Variants in LAMB4 observed in about 807,000 individuals in gnomAD.
LAMB4 encodes the protein laminin subunit beta-4.
Under a neutral mutation model 199.2 loss-of-function variants are expected in LAMB4, and 196 were observed. That is an observed-to-expected ratio of 0.98 (90% CI 0.88 to 1.11). The LOEUF is 1.11. Among genes scored for constraint, LAMB4 ranks in the 50% least tolerant of loss-of-function variants. The pLI, the probability that LAMB4 is intolerant of heterozygous loss-of-function variation, is 0.00. For missense variants in LAMB4, 2,080 were observed against 2,171.2 expected (o/e 0.96, Z 0.83); for synonymous variants, 744 against 770.6 (o/e 0.97, Z 0.57).
Position 108,030,623 on chromosome 7 carries a change from G to A in LAMB4, c.4992+183C>T, listed in dbSNP as rs1299467524. On this transcript the variant is annotated intron_variant, in intron 32 of 33. Transcript: ENST00000388781. ...AACACTCCAACATGATTTGGCCAGG[G>A]ACTTCTGCCTTCTACAGATAGAAAA... 5.3e-5 allele frequency among the ~76,000 whole-genome samples: 8 copies of A among 152,282 alleles called. 1 individual carries two copies. Among genetic ancestry groups the A allele is most frequent in the Admixed American group, 4.6e-4 (7 of 15,292 alleles).
intron 28 of LAMB4, among the ~76,000 whole-genome samples, chr7:108,046,981 G>A (rs2035649293): frequency 6.6e-6 from 1 of 151,648 alleles, no homozygotes; most frequent in African/African-American, 2.4e-5. Context: ...TTCCCAGGCA[G>A]GTCTTGAACC....
chr7:108,092,398 C>T lies in LAMB4; in HGVS notation c.1489G>A (p.Gly497Arg). The change falls in exon 13 of 34, where the codon GGA becomes AGA. Residue 497 changes from glycine (G) to arginine (R), a missense_variant. Physicochemically the swap from Gly to Arg is moderately radical, Grantham distance 125. Transcript: ENST00000388781. ...EECTVGYWGL[G>R]NHLHGCSPCD... ...GGAGAACACCCATGGAGATGATTTCCCAGGCCCCAGTATCCAACCTACAGA... is the reference window on the plus strand; with the variant it reads ...GGAGAACACCCATGGAGATGATTTCTCAGGCCCCAGTATCCAACCTACAGA... 6.2e-7 allele frequency: 1 copy of T among 1,613,972 alleles called. No homozygotes were observed. The highest frequency in any genetic ancestry group is 1.3e-5 in the African/African-American group (1 of 75,016).
chr7:108,084,916 T>A (rs928444240), intron 14 of LAMB4, among the ~76,000 whole-genome samples: 2 of 151,778 alleles, frequency 1.3e-5, no homozygotes, highest in Non-Finnish European at 2.9e-5. Context: ...GCCAATTTTT[T>A]ATTTTTTTTG....
At chr7:108,065,220 T>C (rs1247579732) in intron 21 of LAMB4, among the ~76,000 whole-genome samples, 1 of 152,186 alleles carries the variant, frequency 6.6e-6, no homozygotes, top group Admixed American at 6.5e-5. Flanking sequence ...CTAGCCCTCT[T>C]AAAGTCTTTA....
chr7:108,056,618 A>C (rs1030401149), intron 24 of LAMB4, among the ~76,000 whole-genome samples: 3 of 152,198 alleles, frequency 2.0e-5, no homozygotes, highest in Non-Finnish European at 4.4e-5. Context: ...AATTTCCAAA[A>C]GGTTAGGGAA....
At chr7:108,077,394 T>A (rs1454570869) in intron 16 of LAMB4, among the ~76,000 whole-genome samples, 1 of 151,730 alleles carries the variant, frequency 6.6e-6, no homozygotes, top group East Asian at 1.9e-4. Context: ...TCAAAAAATC[T>A]CAAAAAAAAA....
At position 108,076,971 on chromosome 7, in the gene LAMB4, G is replaced by A. The variant is rs144579218; in HGVS notation, c.2097C>T (p.His699=). The part of the protein sequence containing the change: ...YFSQPLQGES[H]AHSHVLVDSL... ...AGTCCACCAGGACATGTGAATGAGC[G>A]TGGGACTCTCCTTGCAAAGGCTGAG... The change falls in exon 17 of 34, where the codon CAC becomes CAT. Residue 699 remains histidine (H), a synonymous_variant. Transcript: ENST00000388781. 1.6e-5 allele frequency: 26 copies of A among 1,613,906 alleles called. No homozygotes were observed. The highest frequency in any genetic ancestry group is 1.3e-4 in the East Asian group (6 of 44,900).
In LAMB4 at chr7:108,123,124, T is replaced by C. The variant is rs1445143448; in HGVS notation, c.34+7A>G. 6.2e-7 allele frequency: 1 copy of C among 1,606,216 alleles called. No homozygotes were observed. The highest frequency in any genetic ancestry group is 8.5e-7 in the Non-Finnish European group (1 of 1,177,650). ...GCAGTAAATAGATTTTGACAACAAA[T>C]ACTCACCAAGGTGCAAAAAAAGGGT... is the stretch of plus-strand genomic sequence containing the variant. On this transcript the variant is annotated splice_region_variant and intron_variant, in intron 2 of 33. Transcript: ENST00000388781.
At chr7:108,025,825 GGAAAGT>G (rs1207817727) in intron 33 of LAMB4, among the ~76,000 whole-genome samples, 2 of 152,148 alleles carry the variant, frequency 1.3e-5, no homozygotes, top group Admixed American at 1.3e-4. Flanking sequence ...GTTTGTACCC[GGAAAGT>G]TAATATGATT....
chr7:108,028,328 G>C (rs146421356), intron 33 of LAMB4, among the ~76,000 whole-genome samples: 1 of 152,104 alleles, frequency 6.6e-6, no homozygotes, highest in African/African-American at 2.4e-5. Flanking sequence ...TGTTTGCTTA[G>C]GCAGTTGCCT....
intron 18 of LAMB4, among the ~76,000 whole-genome samples, chr7:108,068,996 G>T (rs1563063794): frequency 1.3e-5 from 2 of 152,138 alleles, no homozygotes; most frequent in Non-Finnish European, 2.9e-5. Context: ...CCCCTTACTA[G>T]TTTTTTATTT....
Position 108,106,515 on chromosome 7 carries a change from T to A in LAMB4, c.649A>T (p.Ile217Phe). The change falls in exon 7 of 34, where the codon ATC becomes TTC. Residue 217 changes from isoleucine to phenylalanine, a missense_variant. Physicochemically the swap from Ile to Phe is conservative, Grantham distance 21 (BLOSUM62 0). Transcript: ENST00000388781. ...AATATAAAGGAATTCATACCTTGGA[T>A]GTAGGGGCTATAAGGGTTTTCAATT... is the stretch of plus-strand genomic sequence containing the variant. ...FEIENPYSPY[I>F]QDLVTLTNLR... 1 of 1,570,034 alleles carries A rather than the reference T, an allele frequency of 6.4e-7. No homozygotes were observed. The highest frequency in any genetic ancestry group is 8.7e-7 in the Non-Finnish European group (1 of 1,146,054).
chr7:108,106,636 C>CTTT (rs5886439), intron 6 of LAMB4, 64 bp from the exon 7 acceptor site: 84 of 776,198 alleles, frequency 1.1e-4, no homozygotes, highest in South Asian at 1.5e-4. Context: ...CAAACACACT[C>CTTT]TTTTTTTTTT....
chr7:108,105,216 T>G (rs571029445), intron 8 of LAMB4, among the ~76,000 whole-genome samples: 6 of 152,198 alleles, frequency 3.9e-5, no homozygotes, highest in Non-Finnish European at 8.8e-5. Flanking sequence ...AAACTACAAC[T>G]CTTCTACAAT....
At chr7:108,111,520 T>A (rs1218779110) in intron 4 of LAMB4, among the ~76,000 whole-genome samples, 2 of 152,204 alleles carry the variant, frequency 1.3e-5, no homozygotes, top group African/African-American at 4.8e-5. Flanking sequence ...TTCTTCTTAT[T>A]ATTATTTTTT....
chr7:108,017,988 C>T, the LAMB4 span, among the ~76,000 whole-genome samples: 3 of 152,306 alleles, frequency 2.0e-5, no homozygotes, highest in South Asian at 6.2e-4. Context: ...CCATGCTCTT[C>T]GCATTTATCA....
chr7:108,056,254 G>A (rs1281151433), intron 24 of LAMB4, among the ~76,000 whole-genome samples: 2 of 152,176 alleles, frequency 1.3e-5, no homozygotes, highest in South Asian at 2.1e-4. Context: ...TTTATTGTGT[G>A]AGTGCAAGCA....
intron 4 of LAMB4, 107 bp from the exon 5 acceptor site, chr7:108,109,351 C>T (rs959065719): frequency 1.2e-6 from 1 of 802,840 alleles, no homozygotes; most frequent in Non-Finnish European, 2.1e-6. Flanking sequence ...TTTGATGCCA[C>T]AAGGCTGACG....
intron 23 of LAMB4, among the ~76,000 whole-genome samples, chr7:108,060,859 G>A (rs2036136057): frequency 6.6e-6 from 1 of 152,216 alleles, no homozygotes. Flanking sequence ...AGGAGGAAGA[G>A]CATAGCTCCC....
Sources: gnomAD v4.1 joint callset for allele counts (sites outside exome capture counted in the v4.1 genomes callset) on GRCh38, gnomAD v4.1.1 for gene constraint, MANE v1.5 for transcripts, NCBI Gene and HGNC (gene_info 2026-07-23, HGNC 2026-07-21) for gene names.